Variants in PRIMA1 observed in about 807,000 individuals in gnomAD.
PRIMA1 encodes proline rich membrane anchor 1.
A neutral mutation model predicts 17.5 loss-of-function variants in PRIMA1; 7 were observed. The ratio of observed to expected loss-of-function variants is 0.40; its 90% confidence interval spans 0.23 to 0.75. PRIMA1 has a LOEUF of 0.75. PRIMA1 is among the 30% of genes least tolerant of loss of function. The pLI is 0.37. For missense variants in PRIMA1, 200 were observed against 201.8 expected (o/e 0.99, Z 0.05); for synonymous variants, 97 against 77.9 (o/e 1.25, Z -1.29).
intron 3 of PRIMA1, among the ~76,000 whole-genome samples, chr14:93,749,923 G>A (rs927227068): frequency 6.6e-6 from 1 of 152,208 alleles, no homozygotes; most frequent in African/African-American, 2.4e-5. Flanking sequence ...GCTCATGCCT[G>A]TAATCCCAGC....
chr14:93,753,139 CA>C (rs1372869987), intron 3 of PRIMA1, among the ~76,000 whole-genome samples: 1 of 152,136 alleles, frequency 6.6e-6, no homozygotes, highest in African/African-American at 2.4e-5. Context: ...GCACAGCCAA[CA>C]GTGCCTGACT....
chr14:93,721,750 C>G (rs560613933), intron 4 of PRIMA1, among the ~76,000 whole-genome samples: 1 of 152,144 alleles, frequency 6.6e-6, no homozygotes, highest in Non-Finnish European at 1.5e-5. Context: ...GTGGTCTTAA[C>G]TCGGGTGTCA....
intron 3 of PRIMA1, among the ~76,000 whole-genome samples, chr14:93,753,860 C>G (rs1276360792): frequency 6.6e-6 from 1 of 152,186 alleles, no homozygotes; most frequent in Non-Finnish European, 1.5e-5. Context: ...AACACGAAAT[C>G]CCACAATGTG....
rs1346300570 is a variant in PRIMA1 at position 93,747,563 on chromosome 14, T to G, written c.230-10193A>C. 8.7e-5 allele frequency among the ~76,000 whole-genome samples: 13 copies of G among 149,796 alleles called. No homozygotes were observed. The South Asian group carries it at 2.8e-3, about 32-fold the overall frequency. The stretch of plus-strand genomic sequence containing the variant: ...GTGTGTGAGTGTGTGAGAGTGTGAG[T>G]GTGGGGGAGTGTGTGAGTGCATGGG... On this transcript the variant is annotated intron_variant, in intron 3 of 4. Transcript: ENST00000393140.
chr14:93,725,416 A>G (rs1468802944), intron 4 of PRIMA1, among the ~76,000 whole-genome samples: 1 of 152,036 alleles, frequency 6.6e-6, no homozygotes, highest in Non-Finnish European at 1.5e-5. Flanking sequence ...CAGCCCATGG[A>G]AGCTGGGTGT....
chr14:93,760,309 C>A (rs75871122), intron 3 of PRIMA1, among the ~76,000 whole-genome samples: 9,111 of 152,258 alleles, frequency 0.06, 405 homozygotes, highest in South Asian at 0.084. Flanking sequence ...TCCAGAATCA[C>A]AGCCAGACTC....
intron 3 of PRIMA1, among the ~76,000 whole-genome samples, chr14:93,738,520 C>T (rs187802211): frequency 5.9e-5 from 9 of 152,196 alleles, no homozygotes; most frequent in Admixed American, 2.0e-4. Context: ...GTCTCCAAGA[C>T]GTGAATATAT....
chr14:93,736,013 C>T lies in PRIMA1; in HGVS notation c.359+1228G>A, dbSNP rs965273887. Among the ~76,000 whole-genome samples the T allele has an allele frequency of 5.9e-5, 9 of 152,266 alleles. No individual in the cohort carries two copies. The South Asian group carries it at 1.0e-3, about 18-fold the overall frequency. On this transcript the variant is annotated intron_variant, in intron 4 of 4. Transcript: ENST00000393140. Reference sequence around the variant, plus strand: ...CCCACCTTGGTTTTCAAGACTAAGCCGCTACCCAGAGTTACAGGGTCTTAG... The same window carrying T: ...CCCACCTTGGTTTTCAAGACTAAGCTGCTACCCAGAGTTACAGGGTCTTAG...
intron 3 of PRIMA1, among the ~76,000 whole-genome samples, chr14:93,765,368 T>C (rs1445476172): frequency 6.6e-6 from 1 of 151,240 alleles, no homozygotes; most frequent in Non-Finnish European, 1.5e-5. Flanking sequence ...AAACAGTTCC[T>C]GTCCTCAGGG....
chr14:93,758,647 A>G (rs994495575), intron 3 of PRIMA1, among the ~76,000 whole-genome samples: 3 of 152,146 alleles, frequency 2.0e-5, no homozygotes, highest in African/African-American at 7.2e-5. Flanking sequence ...ATCGACATTC[A>G]AAAGCAAAGA....
At chr14:93,750,448 A>G (rs1018296530) in intron 3 of PRIMA1, among the ~76,000 whole-genome samples, 1 of 152,204 alleles carries the variant, frequency 6.6e-6, no homozygotes, top group Non-Finnish European at 1.5e-5. Context: ...TTCATCAGGT[A>G]GAACGTGCTC....
intron 2 of PRIMA1, among the ~76,000 whole-genome samples, chr14:93,786,990 C>G (rs1169451825): frequency 6.6e-6 from 1 of 152,036 alleles, no homozygotes; most frequent in Non-Finnish European, 1.5e-5. Flanking sequence ...CACCTTGTCA[C>G]CTCTCCACTG....
At chr14:93,744,961 G>A (rs1465192257) in intron 3 of PRIMA1, among the ~76,000 whole-genome samples, 1 of 152,162 alleles carries the variant, frequency 6.6e-6, no homozygotes, top group African/African-American at 2.4e-5. Context: ...CAGGAGGGAA[G>A]CAGCTTGTGG....
chr14:93,735,513 A>G (rs1348358051), intron 4 of PRIMA1, among the ~76,000 whole-genome samples: 1 of 152,122 alleles, frequency 6.6e-6, no homozygotes, highest in Non-Finnish European at 1.5e-5. Context: ...GGGCAGCCAC[A>G]GCGGGCTGCC....
At chr14:93,776,837 C>G (rs1344954156) in intron 3 of PRIMA1, among the ~76,000 whole-genome samples, 2 of 152,246 alleles carry the variant, frequency 1.3e-5, no homozygotes, top group Non-Finnish European at 2.9e-5. Flanking sequence ...ATGGCTTTCA[C>G]ATCTCTCTAC....
At chr14:93,772,608 C>T (rs1346509457) in intron 3 of PRIMA1, among the ~76,000 whole-genome samples, 1 of 152,258 alleles carries the variant, frequency 6.6e-6, no homozygotes, top group Non-Finnish European at 1.5e-5. Flanking sequence ...AAGCAGGCCT[C>T]TAGCTCTGCC....
intron 3 of PRIMA1, among the ~76,000 whole-genome samples, chr14:93,742,897 A>G (rs2076193158): frequency 6.6e-6 from 1 of 152,212 alleles, no homozygotes; most frequent in Admixed American, 6.5e-5. Context: ...CAGCTAACTC[A>G]GTACATACTA....
intron 3 of PRIMA1, among the ~76,000 whole-genome samples, chr14:93,742,056 T>C (rs746311534): frequency 1.3e-5 from 2 of 152,302 alleles, no homozygotes; most frequent in Non-Finnish European, 2.9e-5. Flanking sequence ...CATTATGAGA[T>C]GCATCGTTAA....
At chr14:93,784,765 C>A (rs1028100132) in intron 2 of PRIMA1, among the ~76,000 whole-genome samples, 1 of 152,150 alleles carries the variant, frequency 6.6e-6, no homozygotes, top group Admixed American at 6.5e-5. Flanking sequence ...ATGACTCTTG[C>A]CCCGGGTCCA....
Sources: gnomAD v4.1 joint callset for allele counts (sites outside exome capture counted in the v4.1 genomes callset) on GRCh38, gnomAD v4.1.1 for gene constraint, MANE v1.5 for transcripts, NCBI Gene and HGNC (gene_info 2026-07-23, HGNC 2026-07-21) for gene names.